The following PIK3R1 variants were observed in gnomAD, a reference collection of about 807,000 sequenced individuals.
The protein encoded by PIK3R1 is phosphatidylinositol 3-kinase regulatory subunit alpha.
In PIK3R1, 29 loss-of-function variants were observed where a neutral mutation model predicts 98.0. That is an observed-to-expected ratio of 0.30 (90% CI 0.22 to 0.40). The LOEUF (loss-of-function observed/expected upper bound fraction) is 0.40. Ranked by LOEUF, PIK3R1 falls within the 10% of genes least tolerant of loss-of-function variation. PIK3R1 has a pLI of 1.00. For missense variants in PIK3R1, 596 were observed against 872.7 expected (o/e 0.68, Z 3.99); for synonymous variants, 282 against 311.8 (o/e 0.90, Z 1.01).
At chr5:68,259,193 A>G (rs1301421691) in intron 2 of PIK3R1, among the ~76,000 whole-genome samples, 1 of 152,218 alleles carries the variant, frequency 6.6e-6, no homozygotes, top group Non-Finnish European at 1.5e-5. Flanking sequence ...CAAGAGAGAA[A>G]TGAAGACTAT....
At chr5:68,292,585 CAGTGAAGTGCCAG>C (rs1440785775) in intron 8 of PIK3R1, 2 of 1,477,806 alleles carry the variant, frequency 1.4e-6, no homozygotes, top group African/African-American at 1.4e-5. Flanking sequence ...ACAGAGATGT[CAGTGAAGTGCCAG>C]AGTGAAGTGG....
At chr5:68,217,313 G>T (rs1348439129) in intron 1 of PIK3R1, among the ~76,000 whole-genome samples, 2 of 152,190 alleles carry the variant, frequency 1.3e-5, no homozygotes, top group African/African-American at 4.8e-5. Context: ...CTTAAAGATG[G>T]TTAGATATTA....
intron 7 of PIK3R1, among the ~76,000 whole-genome samples, chr5:68,283,227 AT>A (rs1291323386): frequency 6.6e-6 from 1 of 152,248 alleles, no homozygotes; most frequent in Admixed American, 6.5e-5. Flanking sequence ...TACCTGAATG[AT>A]GTTTAAGGGA....
At chr5:68,293,229 G>GTT in intron 9 of PIK3R1, 30 bp downstream of exon 9, 1 of 1,599,784 alleles carries the variant, frequency 6.3e-7, no homozygotes, top group African/African-American at 1.3e-5. Flanking sequence ...TGAAATTAGG[G>GTT]TTTTGGGCTG....
At position 68,272,265 on chromosome 5, in the gene PIK3R1, A is replaced by AAAAAAG. The variant is rs1554048919; in HGVS notation, c.335-1118_335-1113dup. 6.0e-4 allele frequency among the ~76,000 whole-genome samples: 88 copies of AAAAAAG among 146,194 alleles called. 1 individual carries two copies. The highest frequency in any genetic ancestry group is 3.6e-3 in the Middle Eastern group (1 of 280). ...GAGACCCTGTCTCAAAAAAAAAAAA[A>AAAAAAG]AAAAAGAAAAAGGAAATTTGTTTAC... On this transcript the variant is annotated intron_variant, in intron 2 of 15. Coordinates refer to ENST00000521381, the MANE Select transcript of PIK3R1 (RefSeq NM_181523.3).
rs1434182216 is a variant in PIK3R1 at position 68,298,255 on chromosome 5, A to G, written c.*654A>G. On this transcript the variant is annotated 3_prime_UTR_variant, in exon 16 of 16. Transcript: ENST00000521381. ...TGTCAAAAAACAAAAACCCAGCAAC[A>G]GAAAAATGGAGTTTGGAAAACAGGA... The G allele has an allele frequency of 4.3e-6, 1 of 232,986 alleles. No homozygotes were observed. The highest frequency in any genetic ancestry group is 8.5e-6 in the Non-Finnish European group (1 of 117,688). The allele number at this position is 232,986 out of a possible 1,614,324, so 14.4% of individuals were successfully genotyped here.
chr5:68,226,471 G>A lies in PIK3R1; in HGVS notation c.-205G>A, dbSNP rs1032317812. 25 of 525,140 alleles carry A rather than the reference G, an allele frequency of 4.8e-5. No individual in the cohort carries two copies. Among genetic ancestry groups the A allele is most frequent in the South Asian group, 1.3e-4 (4 of 30,112 alleles). 32.5% of individuals were successfully genotyped at this position (525,140 alleles called of 1,614,324 possible). A position where few individuals can be genotyped will look rare whatever the true frequency, so the allele number is the denominator to read the frequency against. On this transcript the variant is annotated 5_prime_UTR_variant, in exon 2 of 16. Transcript: ENST00000521381. ...GCAGAGGAAGTGGAGCCCTGTCTTC[G>A]GTCACACCATTGATGGAGGACAGAT...
chr5:68,264,322 G>C (rs377384837), intron 2 of PIK3R1, among the ~76,000 whole-genome samples: 84 of 152,260 alleles, frequency 5.5e-4, no homozygotes, highest in Admixed American at 1.2e-3. Context: ...GTCACGTAAA[G>C]ATTTTTTAAC....
chr5:68,290,354 A>G (rs1246129447), intron 7 of PIK3R1, among the ~76,000 whole-genome samples: 4 of 152,346 alleles, frequency 2.6e-5, no homozygotes, highest in African/African-American at 7.2e-5. Flanking sequence ...GAGCTGCAGC[A>G]TATCAGCTTT....
chr5:68,262,256 T>C (rs977854449), intron 2 of PIK3R1, among the ~76,000 whole-genome samples: 1 of 151,714 alleles, frequency 6.6e-6, no homozygotes, highest in African/African-American at 2.4e-5. Context: ...TATATTGACA[T>C]AACTTTCTCC....
intron 2 of PIK3R1, among the ~76,000 whole-genome samples, chr5:68,263,644 G>T (rs1746001322): frequency 6.6e-6 from 1 of 152,116 alleles, no homozygotes; most frequent in African/African-American, 2.4e-5. Flanking sequence ...GTTAAGGATT[G>T]TGTTTACTTT....
chr5:68,292,536 T>A, intron 8 of PIK3R1, 175 bp downstream of exon 8: 1 of 1,519,782 alleles, frequency 6.6e-7, no homozygotes, highest in African/African-American at 1.4e-5. Flanking sequence ...GGGTGCTGGA[T>A]GCCACAGGAA....
intron 2 of PIK3R1, among the ~76,000 whole-genome samples, chr5:68,246,313 ATT>A (rs11351105): frequency 0.014 from 1,724 of 127,228 alleles, 24 homozygotes; most frequent in African/African-American, 0.038. Flanking sequence ...TGGTGTGTAT[ATT>A]TTTTTTTTTT....
chr5:68,290,521 T>C (rs909240804), intron 7 of PIK3R1: 1 of 496,168 alleles, frequency 2.0e-6, no homozygotes, highest in Admixed American at 4.1e-5. Flanking sequence ...TTAGTGAGGT[T>C]GGCATTATGT....
chr5:68,297,819 C>A lies in PIK3R1; in HGVS notation c.*218C>A. On this transcript the variant is annotated 3_prime_UTR_variant, in exon 16 of 16. Coordinates refer to ENST00000521381, the MANE Select transcript of PIK3R1 (RefSeq NM_181523.3). The stretch of plus-strand genomic sequence containing the variant: ...CACGTTCCTAAGCTGGAGTGCTTAT[C>A]CCTTCTTTTTCTTTTTTTCTTTGGT... The A allele has an allele frequency of 2.5e-6, 1 of 394,492 alleles. No homozygotes were observed. The allele number at this position is 394,492 out of a possible 1,614,324, so 24.4% of individuals were successfully genotyped here.
chr5:68,295,593 G>A, intron 14 of PIK3R1, 105 bp downstream of exon 14: 1 of 948,784 alleles, frequency 1.1e-6, no homozygotes, highest in Admixed American at 1.8e-5. Flanking sequence ...ACTGAGTTTG[G>A]AACATCTTGT....
chr5:68,218,824 T>C lies in PIK3R1; in HGVS notation c.-387+2875T>C, dbSNP rs1332493535. 2.0e-5 allele frequency among the ~76,000 whole-genome samples: 3 copies of C among 152,224 alleles called. No individual in the cohort carries two copies. In the East Asian group the frequency reaches 5.8e-4, roughly 29 times the overall value. On this transcript the variant is annotated intron_variant, in intron 1 of 15. Coordinates refer to ENST00000521381, the MANE Select transcript of PIK3R1 (RefSeq NM_181523.3). ...CCCTGGAAGACTAGAAAGTTAGTTA[T>C]CAATGGAAGGAATTATCAAGTTAGT...
chr5:68,280,200 C>T, intron 5 of PIK3R1: 1 of 367,052 alleles, frequency 2.7e-6, no homozygotes, highest in South Asian at 5.2e-5. Flanking sequence ...AAAGTTAAAA[C>T]CTGTGATACT....
At chr5:68,228,179 G>A (rs1744351548) in intron 2 of PIK3R1, among the ~76,000 whole-genome samples, 1 of 152,164 alleles carries the variant, frequency 6.6e-6, no homozygotes, top group Non-Finnish European at 1.5e-5. Context: ...GATATTTCTG[G>A]AAGAGATTCT....
Sources: allele counts gnomAD v4.1 joint callset (sites outside exome capture counted in the v4.1 genomes callset), GRCh38; gene constraint gnomAD v4.1.1; transcripts MANE v1.5; gene names NCBI Gene and HGNC (gene_info 2026-07-23, HGNC 2026-07-21).